DTNA: variants seen among roughly 807,000 people sequenced by gnomAD.
DTNA encodes the protein dystrobrevin alpha, also known as dystrophin-related protein 3.
A neutral mutation model predicts 100.7 loss-of-function variants in DTNA; 43 were observed. The ratio of observed to expected loss-of-function variants is 0.43; its 90% CI spans 0.33 to 0.55. The LOEUF (loss-of-function observed/expected upper bound fraction) is 0.55. DTNA is among the 20% of genes least tolerant of loss of function. The pLI, the probability that DTNA is intolerant of heterozygous loss-of-function variation, is 0.04. For synonymous variants in DTNA, 349 were observed against 347.9 expected (o/e 1.00, Z -0.04); for missense variants, 798 against 953.9 (o/e 0.84, Z 2.15).
At chr18:34,614,948 A>G (rs2054941405) in intron 1 of DTNA, among the ~76,000 whole-genome samples, 1 of 152,252 alleles carries the variant, frequency 6.6e-6, no homozygotes. Context: ...AGTACAGAGA[A>G]GTCTTTCATG....
intron 1 of DTNA, among the ~76,000 whole-genome samples, chr18:34,744,693 T>C (rs903613426): frequency 6.6e-6 from 1 of 152,106 alleles, no homozygotes. Context: ...GTCTCTTTCC[T>C]TGGCAAAAGT....
intron 7 of DTNA, 198 bp from the exon 8 acceptor site, chr18:34,817,966 T>C: frequency 6.8e-7 from 1 of 1,468,718 alleles, no homozygotes; most frequent in African/African-American, 1.4e-5. Context: ...TCCCATTTCA[T>C]TTCATTTCCC....
At chr18:34,583,887 C>T (rs1029801000) in intron 1 of DTNA, among the ~76,000 whole-genome samples, 3 of 152,054 alleles carry the variant, frequency 2.0e-5, no homozygotes, top group Non-Finnish European at 4.4e-5. Flanking sequence ...AGAGAGATGG[C>T]GGGGTATTAT....
chr18:34,653,505 CTT>C (rs1191083126), intron 1 of DTNA, among the ~76,000 whole-genome samples: 5 of 151,868 alleles, frequency 3.3e-5, no homozygotes, highest in East Asian at 1.9e-4. Context: ...AAAAAAAACA[CTT>C]AACACTAAAG....
rs534513573 is a variant in DTNA, at chr18:34,720,451, C to T, written c.-2+10006C>T. On this transcript the variant is annotated intron_variant, in intron 1 of 22. Coordinates refer to ENST00000444659, the MANE Select transcript of DTNA (RefSeq NM_001386795.1). Reference sequence around the variant, plus strand: ...GGGAATGATGCTGTTTGGGTTAAGACACAGGTAAGGCAGAGGAGCTTTGAG... The same window carrying T: ...GGGAATGATGCTGTTTGGGTTAAGATACAGGTAAGGCAGAGGAGCTTTGAG... Among the ~76,000 whole-genome samples, 491 of 152,214 alleles carry T rather than the reference C, an allele frequency of 3.2e-3. 5 individuals carry two copies. The highest frequency in any genetic ancestry group is 0.011 in the African/African-American group (461 of 41,516).
intron 13 of DTNA, among the ~76,000 whole-genome samples, chr18:34,847,900 A>G (rs972379342): frequency 5.3e-5 from 8 of 152,174 alleles, no homozygotes; most frequent in African/African-American, 1.7e-4. Context: ...ATTGACCACA[A>G]TGATGTTTTT....
intron 13 of DTNA, among the ~76,000 whole-genome samples, chr18:34,839,577 A>G (rs1204866947): frequency 6.6e-6 from 1 of 152,204 alleles, no homozygotes; most frequent in Non-Finnish European, 1.5e-5. Context: ...AAGGAAAAGG[A>G]CAAACTATGT....
intron 1 of DTNA, among the ~76,000 whole-genome samples, chr18:34,703,824 G>A (rs539864001): frequency 1.3e-5 from 2 of 152,074 alleles, no homozygotes; most frequent in South Asian, 2.1e-4. Flanking sequence ...CCAAATATTC[G>A]TTTGTTGCTT....
chr18:34,826,737 A>T (rs369150952), intron 9 of DTNA, among the ~76,000 whole-genome samples: 1 of 152,098 alleles, frequency 6.6e-6, no homozygotes, highest in African/African-American at 2.4e-5. Flanking sequence ...GTCCCATCTC[A>T]TATTACCATT....
intron 21 of DTNA, among the ~76,000 whole-genome samples, chr18:34,882,446 G>A (rs1351906324): frequency 6.6e-6 from 1 of 151,982 alleles, no homozygotes; most frequent in African/African-American, 2.4e-5. Context: ...TTGGCTCACT[G>A]CAACCTCCGT....
chr18:34,873,913 G>A (rs1399952108), intron 17 of DTNA, among the ~76,000 whole-genome samples: 2 of 152,140 alleles, frequency 1.3e-5, no homozygotes, highest in Non-Finnish European at 2.9e-5. Context: ...TCTTCCTTGG[G>A]CCTGGACAGA....
chr18:34,704,522 A>T (rs1209958064), intron 1 of DTNA, among the ~76,000 whole-genome samples: 2 of 152,196 alleles, frequency 1.3e-5, no homozygotes, highest in African/African-American at 4.8e-5. Flanking sequence ...CATTCTGCCT[A>T]AACTGACCTA....
At chr18:34,790,568 T>TATATATATATATATA (rs1491509976) in intron 3 of DTNA, among the ~76,000 whole-genome samples, 1 of 29,258 alleles carries the variant, frequency 3.4e-5, no homozygotes, top group African/African-American at 1.0e-4. Flanking sequence ...TATATATATA[T>TATATATATATATATA]TTTTTTTTTT....
chr18:34,841,614 A>T (rs1469694877), intron 13 of DTNA, among the ~76,000 whole-genome samples: 1 of 152,170 alleles, frequency 6.6e-6, no homozygotes, highest in African/African-American at 2.4e-5. Context: ...TTTACTTCTC[A>T]TAGTCCTAGA....
At chr18:34,829,243 T>A in intron 10 of DTNA, 157 bp from the exon 11 acceptor site, 2 of 1,530,466 alleles carry the variant, frequency 1.3e-6, no homozygotes, top group Non-Finnish European at 1.8e-6. Flanking sequence ...TGTTTAAAGC[T>A]CACATTTCTT....
intron 1 of DTNA, among the ~76,000 whole-genome samples, chr18:34,612,932 C>T (rs2054524910): frequency 2.0e-5 from 3 of 152,124 alleles, no homozygotes; most frequent in Admixed American, 6.5e-5. Context: ...CATATACAGT[C>T]ATATTTCATT....
chr18:34,560,955 C>T (rs1480778235), intron 1 of DTNA, among the ~76,000 whole-genome samples: 2 of 152,086 alleles, frequency 1.3e-5, no homozygotes, highest in Non-Finnish European at 2.9e-5. Flanking sequence ...TTCTTGATTT[C>T]TTTCCATTAA....
At chr18:34,783,180 G>A (rs1469346107) in intron 3 of DTNA, among the ~76,000 whole-genome samples, 1 of 151,830 alleles carries the variant, frequency 6.6e-6, no homozygotes, top group Non-Finnish European at 1.5e-5. Context: ...AAAAATAATG[G>A]GCTTAATAAA....
chr18:34,726,047 A>G (rs1201883084), intron 1 of DTNA, among the ~76,000 whole-genome samples: 1 of 152,168 alleles, frequency 6.6e-6, no homozygotes, highest in African/African-American at 2.4e-5. Context: ...TAGTTGAACA[A>G]TGAGAACACA....
Sources: gnomAD v4.1 joint callset for allele counts (sites outside exome capture counted in the v4.1 genomes callset) on GRCh38, gnomAD v4.1.1 for gene constraint, MANE v1.5 for transcripts, NCBI Gene and HGNC (gene_info 2026-07-23, HGNC 2026-07-21) for gene names.